Variants in RDH10 observed in about 807,000 individuals in gnomAD.
RDH10 encodes retinol dehydrogenase 10 (all-trans).
A neutral mutation model predicts 30.2 loss-of-function variants in RDH10; 12 were observed. The ratio of observed to expected loss-of-function variants is 0.40; its 90% CI spans 0.25 to 0.64. The LOEUF (loss-of-function observed/expected upper bound fraction) is 0.64, where lower values mean the gene tolerates loss of function less well. Ranked by LOEUF, RDH10 falls within the 30% of genes least tolerant of loss-of-function variation. The pLI is 0.43. For missense variants in RDH10, 268 were observed against 445.2 expected, an observed-to-expected ratio of 0.60 and a Z score of 3.58; for synonymous variants, 189 against 172.2, an observed-to-expected ratio of 1.10 and a Z score of -0.76.
At chr8:73,311,627 A>G (rs1187808265) in intron 2 of RDH10, 1 of 152,226 alleles carries the variant, frequency 6.6e-6, no homozygotes, top group African/African-American at 2.4e-5. Context: ...CGGCCTCACA[A>G]TAATACATGT....
intron 2 of RDH10, among the ~76,000 whole-genome samples, chr8:73,302,515 G>A (rs1814397219): frequency 6.6e-6 from 1 of 152,054 alleles, no homozygotes; most frequent in African/African-American, 2.4e-5. Flanking sequence ...GCGAAACCCT[G>A]TCTCTACCAA....
At chr8:73,314,078 G>A (rs908544298) in intron 2 of RDH10, among the ~76,000 whole-genome samples, 9 of 152,216 alleles carry the variant, frequency 5.9e-5, no homozygotes, top group African/African-American at 2.2e-4. Context: ...TTGAGACAAA[G>A]TTAAAGATTA....
Position 73,295,591 on chromosome 8 carries a change from C to G in RDH10, c.289+13C>G, listed in dbSNP as rs548981209. ...GCTGCGCTGCAAGGTAACCTGGACC[C>G]GCGCGGGAGCATTGTTGGGTCAAGC... On this transcript the variant is annotated intron_variant, in intron 1 of 5. Transcript: ENST00000240285. The G allele has an allele frequency of 5.4e-6, 8 of 1,481,772 alleles. No homozygotes were observed. The highest frequency in any genetic ancestry group is 4.3e-5 in the African/African-American group (3 of 69,434). 91.8% of individuals were successfully genotyped at this position (1,481,772 alleles called of 1,614,324 possible). A position where few individuals can be genotyped will look rare whatever the true frequency, so the allele number is the denominator to read the frequency against.
chr8:73,301,796 G>A (rs1365175983), intron 2 of RDH10, among the ~76,000 whole-genome samples: 1 of 152,178 alleles, frequency 6.6e-6, no homozygotes, highest in African/African-American at 2.4e-5. Context: ...CTAAAGCTGT[G>A]TAAGACCATT....
intron 2 of RDH10, among the ~76,000 whole-genome samples, chr8:73,315,234 T>C (rs1488587187): frequency 8.5e-6 from 1 of 118,114 alleles, no homozygotes; most frequent in African/African-American, 3.2e-5. Flanking sequence ...ACCGGCCTCC[T>C]CTCTCTCTCT....
At chr8:73,307,090 T>G (rs1170580840) in intron 2 of RDH10, among the ~76,000 whole-genome samples, 1 of 152,236 alleles carries the variant, frequency 6.6e-6, no homozygotes, top group Non-Finnish European at 1.5e-5. Context: ...TTTCATATTG[T>G]ATTTTTATTA....
chr8:73,304,134 C>T (rs538308085), intron 2 of RDH10, among the ~76,000 whole-genome samples: 5 of 152,298 alleles, frequency 3.3e-5, no homozygotes, highest in South Asian at 2.1e-4. Context: ...CCCACTTTGT[C>T]GTGCTTCTCT....
rs772185628 is a variant in RDH10 at position 73,322,919 on chromosome 8, A to G, written c.909A>G (p.Leu303=). The stretch of plus-strand genomic sequence containing the variant: ...TGTGACTTCCCTTTTTCAGCATCCT[A>G]CCATTTGAAGCAGTTGTGTGCATGT... The part of the protein sequence containing the change: ...MYIVTFMKSI[L]PFEAVVCMYR... The change falls in exon 6 of 6, where the codon CTA becomes CTG. Residue 303 remains leucine (L), a synonymous_variant. Transcript: ENST00000240285. 2 of 1,613,988 alleles carry G rather than the reference A, an allele frequency of 1.2e-6. No homozygotes were observed. Among genetic ancestry groups the G allele is most frequent in the East Asian group, 4.5e-5 (2 of 44,886 alleles).
intron 3 of RDH10, 125 bp from the exon 4 acceptor site, chr8:73,320,807 G>T (rs564385826): frequency 2.3e-6 from 2 of 873,904 alleles, no homozygotes; most frequent in East Asian, 2.5e-5. Context: ...CCTTTTCTTT[G>T]TGTAGTCACC....
chr8:73,307,808 T>C (rs927890900), intron 2 of RDH10, among the ~76,000 whole-genome samples: 2 of 152,246 alleles, frequency 1.3e-5, no homozygotes, highest in African/African-American at 4.8e-5. Flanking sequence ...AGAATTAATC[T>C]TCAAATGTTG....
At chr8:73,308,919 G>A (rs1814509633) in intron 2 of RDH10, among the ~76,000 whole-genome samples, 1 of 152,162 alleles carries the variant, frequency 6.6e-6, no homozygotes, top group African/African-American at 2.4e-5. Context: ...CTTCTTCTCG[G>A]CTTGTAGTCC....
At chr8:73,318,612 G>T (rs1354057247) in intron 2 of RDH10, among the ~76,000 whole-genome samples, 1 of 152,226 alleles carries the variant, frequency 6.6e-6, no homozygotes, top group Non-Finnish European at 1.5e-5. Context: ...AGAGCATGCT[G>T]CTGGAGTATC....
intron 4 of RDH10, chr8:73,321,715 A>C (rs1323808525): frequency 2.3e-6 from 1 of 431,724 alleles, no homozygotes; most frequent in South Asian, 1.6e-5. Flanking sequence ...AATCATTAAG[A>C]GGATGCTTGT....
At position 73,294,779 on chromosome 8, in the gene RDH10, C is replaced by G; in HGVS notation, c.-511C>G. 1 of 363,764 alleles carries G rather than the reference C, an allele frequency of 2.7e-6. No individual in the cohort carries two copies. Among genetic ancestry groups the G allele is most frequent in the Non-Finnish European group, 4.9e-6 (1 of 203,670 alleles). 22.5% of individuals were successfully genotyped at this position (363,764 alleles called of 1,614,324 possible). A position where few individuals can be genotyped will look rare whatever the true frequency, so the allele number is the denominator to read the frequency against. The stretch of plus-strand genomic sequence containing the variant: ...TCCCCTTCCCGGCGCTCCGCCGCCC[C>G]GCACCCCACTCTCCCACCCTCTCGC... On this transcript the variant is annotated 5_prime_UTR_variant, in exon 1 of 6. Coordinates refer to ENST00000240285, the MANE Select transcript of RDH10 (RefSeq NM_172037.5).
intron 2 of RDH10, among the ~76,000 whole-genome samples, chr8:73,299,929 A>G (rs1814345610): frequency 6.6e-6 from 1 of 152,202 alleles, no homozygotes; most frequent in Non-Finnish European, 1.5e-5. Flanking sequence ...TTTTAACATA[A>G]GGAGGAAGTC....
At chr8:73,297,498 T>G (rs1814288494) in intron 2 of RDH10, 69 bp downstream of exon 2, 1 of 1,173,754 alleles carries the variant, frequency 8.5e-7, no homozygotes, top group South Asian at 1.2e-5. Context: ...GGGGAGAGAC[T>G]TCAGTGCCAG....
intron 2 of RDH10, among the ~76,000 whole-genome samples, chr8:73,317,510 C>T (rs573494987): frequency 6.6e-6 from 1 of 152,126 alleles, no homozygotes; most frequent in Non-Finnish European, 1.5e-5. Context: ...CTGGGGAAGA[C>T]CTTGGGATAC....
At chr8:73,310,792 C>T (rs1192185855) in intron 2 of RDH10, 1 of 152,114 alleles carries the variant, frequency 6.6e-6, no homozygotes, top group Non-Finnish European at 1.5e-5. Context: ...TAGGGCCCGG[C>T]AGGGGAAAGA....
intron 2 of RDH10, chr8:73,311,226 GAGGTCAAGTAACAAAAGGA>G (rs1327352874): frequency 6.6e-6 from 1 of 152,204 alleles, no homozygotes; most frequent in East Asian, 1.9e-4. Context: ...AAGATCCAGA[GAGGTCAAGTAACAAAAGGA>G]AGGTCAAGTA....
Sources: allele counts gnomAD v4.1 joint callset (sites outside exome capture counted in the v4.1 genomes callset), GRCh38; gene constraint gnomAD v4.1.1; transcripts MANE v1.5; gene names NCBI Gene and HGNC (gene_info 2026-07-23, HGNC 2026-07-21).